The following METTL15 variants were observed in gnomAD, a reference collection of about 807,000 sequenced individuals.
METTL15 encodes methyltransferase 15, mitochondrial 12S rRNA N4-cytidine, also known as 12S rRNA N(4)-cytidine methyltransferase METTL15.
A neutral mutation model predicts 38.3 loss-of-function variants in METTL15; 34 were observed. That is an observed-to-expected ratio of 0.89 (90% confidence interval 0.68 to 1.18). METTL15 has a LOEUF of 1.18. Ranked by LOEUF, METTL15 falls within the 50% of genes most tolerant of loss-of-function variation. The pLI is 0.00. For synonymous variants in METTL15, 162 were observed against 170.9 expected (o/e 0.95, Z 0.41); for missense variants, 438 against 498.4 (o/e 0.88, Z 1.15).
chr11:28,393,828 G>C (rs910251907), intron 5 of METTL15, among the ~76,000 whole-genome samples: 1 of 152,054 alleles, frequency 6.6e-6, no homozygotes, highest in African/African-American at 2.4e-5. Flanking sequence ...GAAGACCATT[G>C]GAAGTCATCT....
chr11:28,212,515 G>A (rs111665804), intron 4 of METTL15, among the ~76,000 whole-genome samples: 4 of 152,168 alleles, frequency 2.6e-5, no homozygotes, highest in African/African-American at 9.6e-5. Flanking sequence ...TGTACCTGAG[G>A]AGAAGTGGAT....
intron 3 of METTL15, among the ~76,000 whole-genome samples, chr11:28,118,898 T>G (rs1016797562): frequency 2.0e-5 from 3 of 152,180 alleles, no homozygotes; most frequent in African/African-American, 7.2e-5. Flanking sequence ...TCCAAGTAGT[T>G]GAGCCCAATA....
intron 5 of METTL15, among the ~76,000 whole-genome samples, chr11:28,366,793 G>A: frequency 6.6e-6 from 1 of 152,138 alleles, no homozygotes; most frequent in Admixed American, 6.5e-5. Flanking sequence ...AAAGCTCTAT[G>A]TCAGAGCAAG....
At chr11:28,492,175 A>G (rs1359993323) in intron 6 of METTL15, among the ~76,000 whole-genome samples, 2 of 152,194 alleles carry the variant, frequency 1.3e-5, no homozygotes, top group Non-Finnish European at 2.9e-5. Context: ...CTGGTGTTAC[A>G]TGAAAACATT....
intron 5 of METTL15, among the ~76,000 whole-genome samples, chr11:28,295,934 A>G (rs1856717252): frequency 6.6e-6 from 1 of 152,128 alleles, no homozygotes; most frequent in African/African-American, 2.4e-5. Context: ...CTATTTTTCT[A>G]ATACGTAAAG....
At chr11:28,492,542 A>ACT (rs1428163101) in intron 6 of METTL15, among the ~76,000 whole-genome samples, 9 of 151,756 alleles carry the variant, frequency 5.9e-5, no homozygotes, top group Admixed American at 5.9e-4. Context: ...ACACACACAC[A>ACT]CACATACACA....
At chr11:28,400,584 C>T (rs1488279562) in intron 5 of METTL15, among the ~76,000 whole-genome samples, 3 of 151,918 alleles carry the variant, frequency 2.0e-5, no homozygotes, top group Non-Finnish European at 4.4e-5. Flanking sequence ...TTCCCCCCAT[C>T]CCTCACCCCT....
At chr11:28,484,507 T>C (rs1213799380) in intron 6 of METTL15, among the ~76,000 whole-genome samples, 3 of 152,190 alleles carry the variant, frequency 2.0e-5, no homozygotes, top group Non-Finnish European at 4.4e-5. Context: ...GGGATTTCCA[T>C]GTCCTTTGTT....
At chr11:28,321,234 G>A (rs1362438243) in intron 6 of METTL15, among the ~76,000 whole-genome samples, 1 of 152,060 alleles carries the variant, frequency 6.6e-6, no homozygotes, top group Non-Finnish European at 1.5e-5. Context: ...TTTTTAACGT[G>A]ATTTTCACAA....
At chr11:28,234,921 G>C (rs1853875562) in intron 4 of METTL15, among the ~76,000 whole-genome samples, 1 of 149,284 alleles carries the variant, frequency 6.7e-6, no homozygotes, top group Non-Finnish European at 1.5e-5. Flanking sequence ...TTTTCTTCTA[G>C]GGTTTTTATG....
intron 3 of METTL15, among the ~76,000 whole-genome samples, chr11:28,156,451 G>T (rs1850269377): frequency 6.6e-6 from 1 of 152,038 alleles, no homozygotes; most frequent in Admixed American, 6.6e-5. Context: ...TGTTCCTGAC[G>T]GTAGATATTC....
At chr11:28,333,634 C>T (rs2134069406), downstream of METTL15, 1 of 151,820 alleles carries the variant, frequency 6.6e-6, no homozygotes, top group South Asian at 2.1e-4. Context: ...TAGATAATAT[C>T]CCTATTTTTA....
chr11:28,490,586 G>C lies in METTL15; in HGVS notation c.*425-35892G>C, dbSNP rs545917337. Among the ~76,000 whole-genome samples the C allele has an allele frequency of 7.2e-5, 11 of 152,122 alleles. No homozygotes were observed. In the South Asian group the frequency reaches 2.3e-3, roughly 32 times the overall value. On this transcript the variant is annotated intron_variant and NMD_transcript_variant, in intron 6 of 7. Coordinates refer to the METTL15 transcript ENST00000532947. ...TTAATTTATCTAGGGTGAGATCTTG[G>C]TCTCAGTCATTTTTAAAGCTCCCCA...
chr11:28,263,028 T>G (rs554031686), intron 4 of METTL15, among the ~76,000 whole-genome samples: 1 of 152,202 alleles, frequency 6.6e-6, no homozygotes, highest in South Asian at 2.1e-4. Flanking sequence ...TATTTCCACT[T>G]TCTTCCATTT....
At chr11:28,302,695 G>A (rs1856954199) in intron 6 of METTL15, among the ~76,000 whole-genome samples, 1 of 152,078 alleles carries the variant, frequency 6.6e-6, no homozygotes, top group African/African-American at 2.4e-5. Flanking sequence ...GTCTTTATCA[G>A]CAGCATGAAA....
downstream of METTL15, among the ~76,000 whole-genome samples, chr11:28,337,608 T>G (rs1849912857): frequency 6.6e-6 from 1 of 152,136 alleles, no homozygotes; most frequent in Non-Finnish European, 1.5e-5. Context: ...GCCTTAACAT[T>G]CACAACTCAC....
intron 6 of METTL15, chr11:28,517,073 T>C (rs1228353856): frequency 6.6e-6 from 1 of 152,228 alleles, no homozygotes; most frequent in African/African-American, 2.4e-5. Context: ...TTGCCCTTTC[T>C]TTGCAAATGG....
At chr11:28,480,696 T>G (rs1299205927) in intron 6 of METTL15, among the ~76,000 whole-genome samples, 1 of 152,234 alleles carries the variant, frequency 6.6e-6, no homozygotes, top group Non-Finnish European at 1.5e-5. Flanking sequence ...TTTCACATCT[T>G]CATTCCTCTA....
intron 3 of METTL15, among the ~76,000 whole-genome samples, chr11:28,183,921 G>A (rs2133789147): frequency 6.6e-6 from 1 of 152,138 alleles, no homozygotes; most frequent in South Asian, 2.1e-4. Context: ...GTTAATTACT[G>A]CCTCAATTTC....
Sources: allele counts gnomAD v4.1 joint callset (sites outside exome capture counted in the v4.1 genomes callset), GRCh38; gene constraint gnomAD v4.1.1; transcripts MANE v1.5; gene names NCBI Gene and HGNC (gene_info 2026-07-23, HGNC 2026-07-21).